Variants in NRG3 observed in about 807,000 individuals in gnomAD.
The protein encoded by NRG3 is pro-neuregulin-3, membrane-bound isoform.
A neutral mutation model predicts 66.9 loss-of-function variants in NRG3; 31 were observed. The observed-to-expected ratio is 0.46, with a 90% CI of 0.35 to 0.63. NRG3 has a LOEUF of 0.63. Among genes scored for constraint, NRG3 ranks in the 20% least tolerant of loss-of-function variants. The pLI, the probability that NRG3 is intolerant of heterozygous loss-of-function variation, is 0.00. For synonymous variants in NRG3, 393 were observed against 359.4 expected, an observed-to-expected ratio of 1.09 and a Z score of -1.06; for missense variants, 910 against 878.9, an observed-to-expected ratio of 1.04 and a Z score of -0.45.
chr10:82,192,750 A>C (rs2074226189), intron 1 of NRG3, among the ~76,000 whole-genome samples: 1 of 152,200 alleles, frequency 6.6e-6, no homozygotes, highest in South Asian at 2.1e-4. Context: ...CATGAAGCTT[A>C]AAATCTAGGG....
chr10:82,735,443 A>G (rs1378090262), intron 2 of NRG3, among the ~76,000 whole-genome samples: 1 of 152,228 alleles, frequency 6.6e-6, no homozygotes, highest in Non-Finnish European at 1.5e-5. Flanking sequence ...ATCTACTATA[A>G]TGACACATGC....
At chr10:82,183,788 A>G (rs1366035652) in intron 1 of NRG3, among the ~76,000 whole-genome samples, 1 of 152,032 alleles carries the variant, frequency 6.6e-6, no homozygotes, top group Non-Finnish European at 1.5e-5. Flanking sequence ...AATCTCCCAG[A>G]ACAAAGAATT....
At chr10:81,881,080 AT>A (rs1842135215) in intron 1 of NRG3, among the ~76,000 whole-genome samples, 2 of 152,034 alleles carry the variant, frequency 1.3e-5, no homozygotes, top group African/African-American at 4.8e-5. Flanking sequence ...TTGGTTTTCC[AT>A]TTCACTCTTC....
chr10:82,443,913 A>C (rs552765046), intron 2 of NRG3, among the ~76,000 whole-genome samples: 6 of 152,340 alleles, frequency 3.9e-5, no homozygotes, highest in African/African-American at 1.4e-4. Flanking sequence ...CTGGTCACCT[A>C]TGGGGATAAT....
At chr10:82,082,400 T>C (rs2065444306) in intron 1 of NRG3, among the ~76,000 whole-genome samples, 2 of 152,180 alleles carry the variant, frequency 1.3e-5, no homozygotes, top group Admixed American at 6.5e-5. Flanking sequence ...TAAAGTCCAC[T>C]GAGGTGTAGT....
intron 1 of NRG3, among the ~76,000 whole-genome samples, chr10:82,330,365 A>ATATACT (rs142264410): frequency 0.22 from 33,081 of 151,864 alleles, 4,256 homozygotes; most frequent in African/African-American, 0.36. Context: ...TGATTACATA[A>ATATACT]TATGTTTTTC....
At chr10:81,904,857 A>G (rs1844433354) in intron 1 of NRG3, among the ~76,000 whole-genome samples, 1 of 152,136 alleles carries the variant, frequency 6.6e-6, no homozygotes, top group South Asian at 2.1e-4. Context: ...AAATCAGGAT[A>G]TCATGGTACC....
chr10:82,363,421 G>A (rs975465431), intron 2 of NRG3, among the ~76,000 whole-genome samples: 13 of 152,240 alleles, frequency 8.5e-5, no homozygotes, highest in Admixed American at 3.3e-4. Context: ...ATTTTAGTAT[G>A]TTTTAAAAGC....
At chr10:82,893,482 G>T (rs949309120) in intron 4 of NRG3, among the ~76,000 whole-genome samples, 3 of 152,180 alleles carry the variant, frequency 2.0e-5, no homozygotes, top group African/African-American at 7.2e-5. Context: ...GAGGTCAGGA[G>T]ATCGAGACCA....
intron 2 of NRG3, among the ~76,000 whole-genome samples, chr10:82,498,762 C>T (rs888737226): frequency 1.3e-5 from 2 of 152,248 alleles, no homozygotes; most frequent in African/African-American, 2.4e-5. Context: ...TGTTGCCTGT[C>T]ACTCAATGTT....
intron 1 of NRG3, among the ~76,000 whole-genome samples, chr10:81,935,799 G>C (rs11595955): frequency 0.029 from 4,371 of 151,104 alleles, 139 homozygotes; most frequent in Admixed American, 0.077. Context: ...ACAACCCTTT[G>C]TTCCTCCTTG....
At chr10:82,874,831 C>T (rs1004914862) in intron 4 of NRG3, among the ~76,000 whole-genome samples, 3 of 152,190 alleles carry the variant, frequency 2.0e-5, no homozygotes, top group African/African-American at 7.2e-5. Flanking sequence ...AGCAATAGGG[C>T]TCCATGTTTC....
At chr10:81,953,928 T>G (rs1274770508) in intron 1 of NRG3, among the ~76,000 whole-genome samples, 1 of 152,174 alleles carries the variant, frequency 6.6e-6, no homozygotes, top group Non-Finnish European at 1.5e-5. Context: ...AATCTGAATA[T>G]TGGGAAGTCA....
chr10:82,303,968 C>T (rs2080567515), intron 1 of NRG3, among the ~76,000 whole-genome samples: 1 of 152,132 alleles, frequency 6.6e-6, no homozygotes, highest in Admixed American at 6.5e-5. Flanking sequence ...CTATCACAAG[C>T]AATGTAACAT....
intron 2 of NRG3, among the ~76,000 whole-genome samples, chr10:82,589,202 C>T (rs1791716823): frequency 6.6e-6 from 1 of 152,040 alleles, no homozygotes; most frequent in Non-Finnish European, 1.5e-5. Context: ...GATGCATTAC[C>T]AAAATGTAGA....
chr10:82,889,121 A>AT (rs1340564614), intron 4 of NRG3, among the ~76,000 whole-genome samples: 14 of 152,112 alleles, frequency 9.2e-5, no homozygotes, highest in Admixed American at 8.5e-4. Context: ...ATTAGAGCTG[A>AT]TTTTTTGAGA....
rs147507412 is a variant in NRG3, at chr10:82,143,181, A to G, written c.824-215558A>G. On this transcript the variant is annotated intron_variant, in intron 1 of 8. Transcript: ENST00000372141. Reference sequence around the variant, plus strand: ...TTCAAGAATGCAGACTGATGCTGAAATGATGGCACAGATTGAAAGGCCAAG... The same window carrying G: ...TTCAAGAATGCAGACTGATGCTGAAGTGATGGCACAGATTGAAAGGCCAAG... Among the ~76,000 whole-genome samples, 3 of 152,226 alleles carry G rather than the reference A, an allele frequency of 2.0e-5. No individual in the cohort carries two copies. The East Asian group carries it at 5.8e-4, about 30-fold the overall frequency.
At chr10:82,543,465 C>T (rs536658779) in intron 2 of NRG3, among the ~76,000 whole-genome samples, 2 of 152,230 alleles carry the variant, frequency 1.3e-5, no homozygotes, top group East Asian at 3.9e-4. Context: ...GTCCATCTGT[C>T]CATGTATCTA....
chr10:82,308,005 A>G (rs2080835608), intron 1 of NRG3, among the ~76,000 whole-genome samples: 1 of 152,156 alleles, frequency 6.6e-6, no homozygotes, highest in South Asian at 2.1e-4. Flanking sequence ...TCTACATCAA[A>G]TGATAAATTC....
Sources: gnomAD v4.1 joint callset for allele counts (sites outside exome capture counted in the v4.1 genomes callset) on GRCh38, gnomAD v4.1.1 for gene constraint, MANE v1.5 for transcripts, NCBI Gene and HGNC (gene_info 2026-07-23, HGNC 2026-07-21) for gene names.